The following ZMIZ1 variants were observed in gnomAD, a reference collection of about 807,000 sequenced individuals.
The protein encoded by ZMIZ1 is zinc finger MIZ domain-containing protein 1.
In ZMIZ1, 17 loss-of-function variants were observed where a neutral mutation model predicts 113.9. The observed-to-expected ratio is 0.15, with a 90% CI of 0.10 to 0.22. ZMIZ1 has a LOEUF of 0.22. ZMIZ1 is among the 10% of genes least tolerant of loss of function. ZMIZ1 has a pLI of 1.00. For missense variants in ZMIZ1, 1,059 were observed against 1,477.8 expected, an observed-to-expected ratio of 0.72 and a Z score of 4.65; for synonymous variants, 607 against 603.1, an observed-to-expected ratio of 1.01 and a Z score of -0.09.
At chr10:79,124,348 G>A (rs1844424040) in intron 2 of ZMIZ1, among the ~76,000 whole-genome samples, 1 of 152,232 alleles carries the variant, frequency 6.6e-6, no homozygotes, top group South Asian at 2.1e-4. Flanking sequence ...AAAACTCAAA[G>A]CACAGAGAGG....
At chr10:79,220,965 GT>G (rs2132731280) in intron 7 of ZMIZ1, among the ~76,000 whole-genome samples, 1 of 152,272 alleles carries the variant, frequency 6.6e-6, no homozygotes, top group African/African-American at 2.4e-5. Context: ...ATGTACCTGT[GT>G]GCGTGTCTGT....
intron 3 of ZMIZ1, among the ~76,000 whole-genome samples, chr10:79,150,944 G>A (rs903138419): frequency 7.9e-5 from 12 of 152,036 alleles, no homozygotes; most frequent in African/African-American, 2.7e-4. Flanking sequence ...TCTGACCCAT[G>A]ACCCACCTCC....
chr10:79,092,923 G>C (rs1843028267), intron 1 of ZMIZ1, among the ~76,000 whole-genome samples: 1 of 151,910 alleles, frequency 6.6e-6, no homozygotes, highest in Non-Finnish European at 1.5e-5. Flanking sequence ...AGATAGTGAG[G>C]AGACAGTACC....
rs1404009557 is a variant in ZMIZ1 at position 79,169,912 on chromosome 10, G to T, written c.-50+7779G>T. Among the ~76,000 whole-genome samples the T allele has an allele frequency of 7.9e-5, 12 of 152,346 alleles. No individual in the cohort carries two copies. In the South Asian group the frequency reaches 1.2e-3, roughly 16 times the overall value. On this transcript the variant is annotated intron_variant, in intron 4 of 24. Coordinates refer to ENST00000334512, the MANE Select transcript of ZMIZ1 (RefSeq NM_020338.4). ...AAACAGGAGCATCTGCTTGAGGTGG[G>T]CATTTGTTAGCTCTGGACCCAGACA...
At chr10:79,192,997 C>T (rs1308584126) in intron 4 of ZMIZ1, among the ~76,000 whole-genome samples, 1 of 152,204 alleles carries the variant, frequency 6.6e-6, no homozygotes, top group Non-Finnish European at 1.5e-5. Flanking sequence ...CACAAAGTCA[C>T]TCTCCTACTG....
intron 7 of ZMIZ1, among the ~76,000 whole-genome samples, chr10:79,248,921 G>A (rs1275442316): frequency 6.6e-6 from 1 of 152,160 alleles, no homozygotes; most frequent in Non-Finnish European, 1.5e-5. Flanking sequence ...CAGGGCTCCA[G>A]TGTTGAATCC....
At chr10:79,178,545 C>T (rs940148102) in intron 4 of ZMIZ1, among the ~76,000 whole-genome samples, 17 of 152,228 alleles carry the variant, frequency 1.1e-4, no homozygotes, top group African/African-American at 3.9e-4. Context: ...CCATCTTCAG[C>T]CCCTTCTGCC....
At chr10:79,252,493 G>C (rs892937514) in intron 7 of ZMIZ1, among the ~76,000 whole-genome samples, 2 of 152,024 alleles carry the variant, frequency 1.3e-5, no homozygotes, top group African/African-American at 4.8e-5. Flanking sequence ...ATAGAAACCA[G>C]CCTCTGAAAT....
intron 15 of ZMIZ1, 126 bp downstream of exon 15, chr10:79,298,706 G>A (rs1854084697): frequency 2.2e-6 from 2 of 909,872 alleles, no homozygotes; most frequent in Non-Finnish European, 3.2e-6. Context: ...GAGAGCAGGT[G>A]AGATACCCAG....
In ZMIZ1 at chr10:79,302,187, G is replaced by T. The variant is rs781157494; in HGVS notation, c.2100G>T (p.Leu700=). ...VLQGLLKKRL[L]PAEHCITKIK... is the part of the protein sequence containing the mutation. ...AAGGACTCCTCAAGAAGCGCCTCCT[G>T]CCCGCAGAGCACTGTATCACGAAAA... is the stretch of plus-strand genomic sequence containing the variant. Residue 700 remains leucine, a synonymous_variant, in exon 18 of 25, where the codon CTG becomes CTT. Transcript: ENST00000334512. 3 of 1,613,816 alleles carry T rather than the reference G, an allele frequency of 1.9e-6. No homozygotes were observed. The highest frequency in any genetic ancestry group is 2.2e-5 in the East Asian group (1 of 44,890).
chr10:79,289,678 A>G, intron 8 of ZMIZ1, 97 bp from the exon 9 acceptor site: 2 of 1,156,364 alleles, frequency 1.7e-6, no homozygotes, highest in Non-Finnish European at 2.5e-6. Context: ...CCTTGGACTG[A>G]CTGGGAGCTG....
intron 1 of ZMIZ1, among the ~76,000 whole-genome samples, chr10:79,087,561 G>C (rs773622918): frequency 6.6e-6 from 1 of 152,170 alleles, no homozygotes; most frequent in African/African-American, 2.4e-5. Flanking sequence ...TCTACCTCCA[G>C]CTTCCCCTTT....
chr10:79,305,031 C>A, intron 19 of ZMIZ1, 133 bp from the exon 20 acceptor site: 1 of 971,954 alleles, frequency 1.0e-6, no homozygotes, highest in Non-Finnish European at 1.6e-6. Flanking sequence ...TCATTCCACC[C>A]AGCCCCAGCC....
chr10:79,189,198 T>C (rs1015343626), intron 4 of ZMIZ1, among the ~76,000 whole-genome samples: 10 of 152,224 alleles, frequency 6.6e-5, no homozygotes, highest in African/African-American at 2.4e-4. Context: ...CTCCAGCTCC[T>C]CAACCTGGCA....
chr10:79,078,237 G>A (rs555090254), intron 1 of ZMIZ1, among the ~76,000 whole-genome samples: 4 of 152,106 alleles, frequency 2.6e-5, no homozygotes, highest in Admixed American at 6.6e-5. Flanking sequence ...GACTCTTCTC[G>A]TGTGAAGGGA....
intron 1 of ZMIZ1, among the ~76,000 whole-genome samples, chr10:79,109,185 G>A (rs1319186955): frequency 6.6e-6 from 1 of 152,138 alleles, no homozygotes; most frequent in Admixed American, 6.5e-5. Flanking sequence ...GTGGATGTCT[G>A]TTCGCTGTCC....
chr10:79,311,701 C>A (rs931558364), intron 24 of ZMIZ1, among the ~76,000 whole-genome samples: 1 of 152,040 alleles, frequency 6.6e-6, no homozygotes, highest in African/African-American at 2.4e-5. Flanking sequence ...GCAGAGGGGG[C>A]AGCCTTGGGT....
At chr10:79,263,958 T>C (rs1228927573) in intron 7 of ZMIZ1, among the ~76,000 whole-genome samples, 1 of 152,006 alleles carries the variant, frequency 6.6e-6, no homozygotes, top group Non-Finnish European at 1.5e-5. Flanking sequence ...CTCAGAAAAG[T>C]AAATTATGCA....
intron 7 of ZMIZ1, among the ~76,000 whole-genome samples, chr10:79,271,560 G>A (rs1053911653): frequency 6.6e-6 from 1 of 152,170 alleles, no homozygotes; most frequent in Admixed American, 6.5e-5. Flanking sequence ...GCAGGGATTG[G>A]TGAGGGTCCT....
Sources: gnomAD v4.1 joint callset for allele counts (sites outside exome capture counted in the v4.1 genomes callset) on GRCh38, gnomAD v4.1.1 for gene constraint, MANE v1.5 for transcripts, NCBI Gene and HGNC (gene_info 2026-07-23, HGNC 2026-07-21) for gene names.